Variants in PHRF1 observed in about 807,000 individuals in gnomAD.
PHRF1 encodes PHD and ring finger domains 1.
Under a neutral mutation model 128.9 loss-of-function variants are expected in PHRF1, and 53 were observed. That is an observed-to-expected ratio of 0.41 (90% CI 0.33 to 0.52). The LOEUF (loss-of-function observed/expected upper bound fraction) is 0.52, where lower values mean the gene tolerates loss of function less well. Ranked by LOEUF, PHRF1 falls within the 20% of genes least tolerant of loss-of-function variation. The pLI, the probability that PHRF1 is intolerant of heterozygous loss-of-function variation, is 0.21. For missense variants in PHRF1, 2,503 were observed against 2,284.5 expected, an observed-to-expected ratio of 1.10 and a Z score of -1.95; for synonymous variants, 1,178 against 980.6, an observed-to-expected ratio of 1.20 and a Z score of -3.76.
chr11:586,845 G>A (rs550677704), intron 3 of PHRF1, among the ~76,000 whole-genome samples: 197 of 152,238 alleles, frequency 1.3e-3, no homozygotes, highest in African/African-American at 4.4e-3. Flanking sequence ...TGAGAAGGGG[G>A]CGTTGGAAAT....
At chr11:585,971 C>A (rs925351466) in intron 3 of PHRF1, among the ~76,000 whole-genome samples, 15 of 152,164 alleles carry the variant, frequency 9.9e-5, no homozygotes, top group Non-Finnish European at 2.9e-5. Context: ...AAGCGATTCT[C>A]CTGTCTCAGC....
intron 3 of PHRF1, among the ~76,000 whole-genome samples, chr11:582,525 C>T (rs760992381): frequency 3.6e-4 from 55 of 151,462 alleles, no homozygotes; most frequent in Non-Finnish European, 2.7e-4. Flanking sequence ...GCCTGTAGTC[C>T]TCCTTTTTTT....
chr11:578,064 C>T (rs938460069), intron 1 of PHRF1, among the ~76,000 whole-genome samples: 1 of 152,178 alleles, frequency 6.6e-6, no homozygotes, highest in Admixed American at 6.5e-5. Context: ...TGGCCTGGGA[C>T]ATGGCAGAGG....
chr11:611,693 G>A lies in PHRF1; in HGVS notation c.4866G>A (p.Ala1622=), dbSNP rs150393275. Residue 1622 remains alanine (A), a synonymous_variant, in exon 18 of 18, where the codon GCG becomes GCA. Transcript: ENST00000264555. ...TGAAGGTGGCCAACCTGGTGAAGGC[G>A]TACGTGGACAAGTACAGGCACATGC... The part of the protein sequence containing the change: ...NPVKVANLVK[A]YVDKYRHMRR... 253 of 1,613,164 alleles carry A rather than the reference G, an allele frequency of 1.6e-4. 1 individual carries two copies. In the East Asian group the frequency reaches 5.2e-3, roughly 33 times the overall value.
chr11:604,983 C>T, intron 10 of PHRF1, 136 bp from the exon 11 acceptor site: 1 of 834,936 alleles, frequency 1.2e-6, no homozygotes, highest in Non-Finnish European at 1.8e-6. Context: ...GCCTGAGAAG[C>T]CCATTGACTT....
At chr11:605,807 C>T in intron 12 of PHRF1, 83 bp downstream of exon 12, 1 of 1,484,966 alleles carries the variant, frequency 6.7e-7, no homozygotes, top group Non-Finnish European at 8.9e-7. Context: ...CCGTGATAGC[C>T]TGGCTCTCTG....
chr11:602,442 G>A (rs1254374937), intron 10 of PHRF1, among the ~76,000 whole-genome samples: 1 of 152,034 alleles, frequency 6.6e-6, no homozygotes, highest in Admixed American at 6.5e-5. Context: ...CCACTTTGGG[G>A]GGCTGAGGCG....
chr11:598,379 C>T lies in PHRF1; in HGVS notation c.901C>T (p.Pro301Ser). Reference protein sequence around the residue: ...ISTARRVQHTPGRLGSSLLDE... With the variant: ...ISTARRVQHTSGRLGSSLLDE... ...ACCACCCCTTTGCCTGTAGCACACACCAGGGCGCCTCGGGTCTTCCCTGCT... is the reference window on the plus strand; with the variant it reads ...ACCACCCCTTTGCCTGTAGCACACATCAGGGCGCCTCGGGTCTTCCCTGCT... The change falls in exon 9 of 18, where the codon CCA (proline) becomes TCA (serine). Residue 301 changes from proline (P) to serine (S), a missense_variant. By Grantham distance (74) the Pro-to-Ser change is moderately conservative (BLOSUM62 -1). Transcript: ENST00000264555. 6.2e-6 allele frequency: 10 copies of T among 1,608,970 alleles called. No homozygotes were observed. Among genetic ancestry groups the T allele is most frequent in the Non-Finnish European group, 8.5e-6 (10 of 1,179,694 alleles).
At chr11:595,846 C>G (rs1214421989) in intron 6 of PHRF1, among the ~76,000 whole-genome samples, 2 of 152,242 alleles carry the variant, frequency 1.3e-5, no homozygotes, top group African/African-American at 4.8e-5. Flanking sequence ...TGTATAAGAA[C>G]AGATGTTAGG....
In PHRF1 at chr11:611,666, C is replaced by T. The variant is rs368381846; in HGVS notation, c.4839C>T (p.Pro1613=). The change falls in exon 18 of 18, where the codon CCC becomes CCT. Residue 1613 remains proline, a synonymous_variant. Coordinates refer to ENST00000264555, the MANE Select transcript of PHRF1 (RefSeq NM_001286581.2). ...ACAGCAAGAGTGGAGAGATCAACCCCGTGAAGGTGGCCAACCTGGTGAAGG... is the reference window on the plus strand; with the variant it reads ...ACAGCAAGAGTGGAGAGATCAACCCTGTGAAGGTGGCCAACCTGGTGAAGG... ...ICHSKSGEIN[P]VKVANLVKAY... is the part of the protein sequence containing the mutation. 6.7e-4 allele frequency: 1,086 copies of T among 1,613,198 alleles called. No homozygotes were observed. Among genetic ancestry groups the T allele is most frequent in the Non-Finnish European group, 7.8e-4 (923 of 1,179,842 alleles).
intron 8 of PHRF1, 29 bp from the exon 9 acceptor site, chr11:598,344 A>C (rs766387242): frequency 2.5e-5 from 40 of 1,600,060 alleles, no homozygotes; most frequent in Admixed American, 5.0e-5. Flanking sequence ...CCCCAAGGGC[A>C]TCTGACGGCA....
chr11:589,984 CGG>C (rs1854858384), intron 4 of PHRF1, among the ~76,000 whole-genome samples: 1 of 139,778 alleles, frequency 7.2e-6, no homozygotes, highest in African/African-American at 2.9e-5. Context: ...CAAACGGGCA[CGG>C]AGCGTGTGGG....
At chr11:582,802 G>A (rs1438550677) in intron 3 of PHRF1, among the ~76,000 whole-genome samples, 5 of 151,934 alleles carry the variant, frequency 3.3e-5, no homozygotes, top group Middle Eastern at 3.4e-3. Flanking sequence ...GGGATTACAG[G>A]CGTGAGCCAC....
At chr11:590,067 G>A (rs565843962) in intron 4 of PHRF1, among the ~76,000 whole-genome samples, 2 of 151,948 alleles carry the variant, frequency 1.3e-5, no homozygotes, top group African/African-American at 4.8e-5. Context: ...GTCTGCAAAC[G>A]GGCATGGAGC....
In PHRF1 at chr11:597,326, C is replaced by G; in HGVS notation, c.719-69C>G. Reference sequence around the variant, plus strand: ...AGGGCTGCTACTTGGCCGGCAGCCACAGGGGGAGCCGTTGGGGGAGGCGTG... The same window carrying G: ...AGGGCTGCTACTTGGCCGGCAGCCAGAGGGGGAGCCGTTGGGGGAGGCGTG... On this transcript the variant is annotated intron_variant, in intron 7 of 17. Coordinates refer to ENST00000264555, the MANE Select transcript of PHRF1 (RefSeq NM_001286581.2). This position sits in a 1 kb window ranked among gnomAD's most constrained non-coding sequence, Gnocchi z 6.5. 6.5e-7 allele frequency: 1 copy of G among 1,544,242 alleles called. No homozygotes were observed. Among genetic ancestry groups the G allele is most frequent in the Non-Finnish European group, 8.8e-7 (1 of 1,141,976 alleles).
chr11:602,440 G>A (rs368901146), intron 10 of PHRF1, among the ~76,000 whole-genome samples: 10 of 152,078 alleles, frequency 6.6e-5, no homozygotes, highest in Admixed American at 4.6e-4. Flanking sequence ...CACCACTTTG[G>A]GGGGCTGAGG....
chr11:601,148 C>G (rs181851887), intron 9 of PHRF1, among the ~76,000 whole-genome samples: 1 of 151,582 alleles, frequency 6.6e-6, no homozygotes, highest in Non-Finnish European at 1.5e-5. Flanking sequence ...AAGACTCCGT[C>G]TCAGAAAAAA....
At chr11:590,775 C>G (rs59646085) in intron 4 of PHRF1, among the ~76,000 whole-genome samples, 3,007 of 152,296 alleles carry the variant, frequency 0.02, 99 homozygotes, top group African/African-American at 0.068. Context: ...GCCATCTCGG[C>G]TCACCGCAAC....
At chr11:577,066 G>A (rs1853903733) in intron 1 of PHRF1, among the ~76,000 whole-genome samples, 1 of 152,238 alleles carries the variant, frequency 6.6e-6, no homozygotes, top group African/African-American at 2.4e-5. Context: ...GTTGCCTTGT[G>A]TCCGGCCCCT....
Sources: allele counts gnomAD v4.1 joint callset (sites outside exome capture counted in the v4.1 genomes callset), GRCh38; gene constraint gnomAD v4.1.1; non-coding constraint Gnocchi (gnomAD v3.1); transcripts MANE v1.5; gene names NCBI Gene and HGNC (gene_info 2026-07-23, HGNC 2026-07-21).